The following SLTM variants were observed in gnomAD, a reference collection of about 807,000 sequenced individuals.
The protein encoded by SLTM is SAFB-like transcription modulator.
A neutral mutation model predicts 134.6 loss-of-function variants in SLTM; 43 were observed. The observed-to-expected ratio is 0.32, with a 90% CI of 0.25 to 0.41. The LOEUF (loss-of-function observed/expected upper bound fraction) is 0.41. Ranked by LOEUF, SLTM falls within the 10% of genes least tolerant of loss-of-function variation. The probability of loss-of-function intolerance (pLI) is 1.00; values close to 1 mark genes in which losing one functional copy is unlikely to be tolerated. For synonymous variants in SLTM, 424 were observed against 432.3 expected, an observed-to-expected ratio of 0.98 and a Z score of 0.24; for missense variants, 1,055 against 1,288.8, an observed-to-expected ratio of 0.82 and a Z score of 2.78.
chr15:58,901,890 CAAA>C (rs34611836), intron 5 of SLTM, among the ~76,000 whole-genome samples: 1 of 128,486 alleles, frequency 7.8e-6, no homozygotes, highest in African/African-American at 2.9e-5. Flanking sequence ...ATCCCTGTCT[CAAA>C]AAAAAAAAAA....
intron 2 of SLTM, among the ~76,000 whole-genome samples, chr15:58,918,877 A>G (rs1324408225): frequency 6.6e-6 from 1 of 152,154 alleles, no homozygotes; most frequent in Non-Finnish European, 1.5e-5. Flanking sequence ...AAAAAAAACT[A>G]AAGATGTCCT....
intron 5 of SLTM, among the ~76,000 whole-genome samples, chr15:58,912,293 G>A (rs1443978455): frequency 3.9e-5 from 6 of 151,992 alleles, no homozygotes; most frequent in Non-Finnish European, 8.8e-5. Context: ...TAGAGACGGG[G>A]TTTCGCCATC....
chr15:58,910,329 G>C (rs1162720605), intron 5 of SLTM, among the ~76,000 whole-genome samples: 1 of 152,128 alleles, frequency 6.6e-6, no homozygotes, highest in Non-Finnish European at 1.5e-5. Context: ...ATGTTTAGAA[G>C]CATTAGATCA....
In SLTM at chr15:58,912,558, C is replaced by T; in HGVS notation, c.561+5G>A. 6.2e-7 allele frequency: 1 copy of T among 1,612,402 alleles called. No individual in the cohort carries two copies. Among genetic ancestry groups the T allele is most frequent in the Non-Finnish European group, 8.5e-7 (1 of 1,178,878 alleles). On this transcript the variant is annotated splice_donor_5th_base_variant and intron_variant, in intron 5 of 20. Transcript: ENST00000380516. ...TCGAATTCATAGGACTAAATGTAAA[C>T]TTACTTGGGCTGTTAGAAAGGTATC...
intron 5 of SLTM, among the ~76,000 whole-genome samples, chr15:58,902,584 G>C (rs2035562293): frequency 6.6e-6 from 1 of 151,616 alleles, no homozygotes; most frequent in African/African-American, 2.4e-5. Context: ...TGGAGACGAG[G>C]TCTTGCTATG....
At chr15:58,892,815 A>T (rs537717459) in intron 14 of SLTM, 82 bp downstream of exon 14, 3 of 1,418,980 alleles carry the variant, frequency 2.1e-6, no homozygotes, top group Non-Finnish European at 2.9e-6. Context: ...GTGGGAATAC[A>T]ATTTCCAGAA....
intron 2 of SLTM, among the ~76,000 whole-genome samples, chr15:58,929,323 C>T (rs1040809062): frequency 2.6e-5 from 4 of 152,078 alleles, no homozygotes; most frequent in Non-Finnish European, 4.4e-5. Flanking sequence ...TGGCGCATGC[C>T]TGTAATCTCA....
At chr15:58,915,598 T>A (rs1387745354) in intron 3 of SLTM, among the ~76,000 whole-genome samples, 1 of 152,168 alleles carries the variant, frequency 6.6e-6, no homozygotes, top group African/African-American at 2.4e-5. Context: ...ACAAGCTGAT[T>A]ACAGGCATGC....
chr15:58,883,838 C>G, intron 19 of SLTM, 52 bp from the exon 20 acceptor site: 4 of 1,593,756 alleles, frequency 2.5e-6, no homozygotes, highest in Non-Finnish European at 3.4e-6. Flanking sequence ...TGGCTCATAC[C>G]TATAATCTCA....
At chr15:58,908,002 C>CGTGTGTGTGTGTGTGT (rs140029214) in intron 5 of SLTM, among the ~76,000 whole-genome samples, 2,469 of 139,892 alleles carry the variant, frequency 0.018, 37 homozygotes, top group African/African-American at 0.024. Flanking sequence ...AAACATGCTG[C>CGTGTGTGTGTGTGTGT]GTGTGTGTGT....
At chr15:58,933,360 T>A in intron 1 of SLTM, 44 bp downstream of exon 1, 3 of 1,536,498 alleles carry the variant, frequency 2.0e-6, no homozygotes, top group Non-Finnish European at 2.6e-6. Flanking sequence ...AGGCGCGGCC[T>A]AAGTTCCCCT....
chr15:58,881,733 A>C (rs1247827610), intron 20 of SLTM, among the ~76,000 whole-genome samples: 1 of 152,134 alleles, frequency 6.6e-6, no homozygotes, highest in Non-Finnish European at 1.5e-5. Context: ...ATCAGATAGA[A>C]GCTAAAATGA....
intron 6 of SLTM, 21 bp downstream of exon 6, chr15:58,901,239 A>G: frequency 6.3e-7 from 1 of 1,584,890 alleles, no homozygotes; most frequent in South Asian, 1.2e-5. Context: ...AGCAATTTTT[A>G]AGCTCTAGCA....
intron 8 of SLTM, chr15:58,898,163 C>T (rs2035228118): frequency 6.6e-6 from 1 of 152,080 alleles, no homozygotes; most frequent in South Asian, 2.1e-4. Context: ...ATACAATTCT[C>T]CTTTACACAT....
rs771267125 is a variant in SLTM at position 58,889,435 on chromosome 15, A to G, written c.2199T>C (p.Asp733=). 6.2e-7 allele frequency: 1 copy of G among 1,613,920 alleles called. No homozygotes were observed. Among genetic ancestry groups the G allele is most frequent in the African/African-American group, 1.3e-5 (1 of 75,044 alleles). Residue 733 remains aspartate, a synonymous_variant, in exon 16 of 21, where the codon GAT becomes GAC. Coordinates refer to ENST00000380516, the MANE Select transcript of SLTM (RefSeq NM_024755.4). ...GGAATAAAATGAGTAACTACCTATG[A>G]TCTACATCACGTGGGCGTTTCAAGG... ...RNSLKRPRDV[D]HRRDDPYWSE... is the part of the protein sequence containing the mutation.
chr15:58,912,923 T>TG (rs2036385753), intron 4 of SLTM: 1 of 255,178 alleles, frequency 3.9e-6, no homozygotes, highest in African/African-American at 2.2e-5. Context: ...TGTACTAACA[T>TG]ACTTCAAGGC....
At chr15:58,928,209 T>C (rs2037621126) in intron 2 of SLTM, among the ~76,000 whole-genome samples, 1 of 152,216 alleles carries the variant, frequency 6.6e-6, no homozygotes, top group South Asian at 2.1e-4. Context: ...TTGGTGACTT[T>C]AAAGGTTGAA....
chr15:58,894,110 A>G lies in SLTM; in HGVS notation c.1461T>C (p.Asn487=), dbSNP rs1320032658. The G allele has an allele frequency of 5.0e-6, 8 of 1,604,654 alleles. No homozygotes were observed. The East Asian group carries it at 1.3e-4, about 27-fold the overall frequency. The change falls in exon 11 of 21, where the codon AAT becomes AAC. Residue 487 remains asparagine (N), a synonymous_variant. Transcript: ENST00000380516. ...SSSRSSGDKK[N]TSDRSSKTQA... ...CTTACTTGCTACTTCTATCACTCGT[A>G]TTTTTTTTATCTCCAGAACTTCTTG...
intron 3 of SLTM, among the ~76,000 whole-genome samples, chr15:58,914,550 T>C (rs535340176): frequency 1.3e-5 from 2 of 152,284 alleles, no homozygotes; most frequent in East Asian, 3.9e-4. Flanking sequence ...ATCTCTTGTT[T>C]GACCAAATGT....
Sources: allele counts gnomAD v4.1 joint callset (sites outside exome capture counted in the v4.1 genomes callset), GRCh38; gene constraint gnomAD v4.1.1; transcripts MANE v1.5; gene names NCBI Gene and HGNC (gene_info 2026-07-23, HGNC 2026-07-21).